Variants in STK32B observed in about 807,000 individuals in gnomAD.
The protein encoded by STK32B is serine/threonine kinase 32B, also known as serine/threonine-protein kinase 32B.
A neutral mutation model predicts 52.6 loss-of-function variants in STK32B; 43 were observed. That is an observed-to-expected ratio of 0.82 (90% CI 0.64 to 1.05). The LOEUF is 1.05. Among genes scored for constraint, STK32B ranks in the 50% least tolerant of loss-of-function variants. STK32B has a pLI of 0.00. For missense variants in STK32B, 621 were observed against 534.6 expected (o/e 1.16, Z -1.59); for synonymous variants, 238 against 204.3 (o/e 1.17, Z -1.41).
At chr4:5,320,156 G>C (rs1186511450) in intron 3 of STK32B, among the ~76,000 whole-genome samples, 2 of 152,036 alleles carry the variant, frequency 1.3e-5, no homozygotes, top group African/African-American at 4.8e-5. Context: ...TCCCCTATGT[G>C]TTTCTACACT....
At chr4:5,414,524 A>G (rs975290558) in intron 5 of STK32B, among the ~76,000 whole-genome samples, 1 of 152,226 alleles carries the variant, frequency 6.6e-6, no homozygotes, top group African/African-American at 2.4e-5. Context: ...TGTCATAGAT[A>G]GACCTATGTA....
intron 3 of STK32B, among the ~76,000 whole-genome samples, chr4:5,320,302 C>T (rs370609471): frequency 3.6e-4 from 55 of 152,264 alleles, no homozygotes; most frequent in African/African-American, 1.3e-3. Context: ...CATATTCACC[C>T]TGCAGAACGC....
At chr4:5,129,845 C>T (rs1223212072) in intron 1 of STK32B, among the ~76,000 whole-genome samples, 1 of 152,156 alleles carries the variant, frequency 6.6e-6, no homozygotes, top group Non-Finnish European at 1.5e-5. Context: ...CTTTGGATTT[C>T]TCCCATTCAA....
At chr4:5,170,977 T>G (rs1043735048) in intron 3 of STK32B, among the ~76,000 whole-genome samples, 2 of 152,240 alleles carry the variant, frequency 1.3e-5, no homozygotes, top group African/African-American at 4.8e-5. Flanking sequence ...TGTTGTTTCC[T>G]GACTTTTTAA....
At chr4:5,491,879 A>G (rs1015022965) in intron 11 of STK32B, among the ~76,000 whole-genome samples, 1 of 152,230 alleles carries the variant, frequency 6.6e-6, no homozygotes, top group African/African-American at 2.4e-5. Flanking sequence ...GTCAAAGATC[A>G]GATGGTTGTA....
chr4:5,439,274 G>C lies in STK32B; in HGVS notation c.563-7399G>C, dbSNP rs201692124. Among the ~76,000 whole-genome samples the C allele has an allele frequency of 2.7e-4, 41 of 151,402 alleles. No homozygotes were observed. In the East Asian group the frequency reaches 5.4e-3, roughly 20 times the overall value. The stretch of plus-strand genomic sequence containing the variant: ...TCCTCTCCAGCACCTGTTGTTTCCT[G>C]ACTTTTTAATGATTGCCATTCTAAC... On this transcript the variant is annotated intron_variant, in intron 6 of 11. Coordinates refer to ENST00000282908, the MANE Select transcript of STK32B (RefSeq NM_018401.3).
At chr4:5,367,254 A>G (rs10016796) in intron 4 of STK32B, among the ~76,000 whole-genome samples, 29,219 of 152,034 alleles carry the variant, frequency 0.19, 3,114 homozygotes, top group African/African-American at 0.3. Flanking sequence ...GAAATACCAC[A>G]GGGCAGCTCC....
intron 2 of STK32B, among the ~76,000 whole-genome samples, chr4:5,161,648 T>C (rs1004505312): frequency 6.6e-6 from 1 of 152,138 alleles, no homozygotes; most frequent in Non-Finnish European, 1.5e-5. Flanking sequence ...TAAGTGTGTA[T>C]AGAACGGATC....
At chr4:5,360,396 A>G (rs563846522) in intron 4 of STK32B, among the ~76,000 whole-genome samples, 2 of 152,286 alleles carry the variant, frequency 1.3e-5, no homozygotes, top group South Asian at 4.2e-4. Context: ...GACAGTGCCA[A>G]GTGCTTTGAG....
At chr4:5,302,017 A>G (rs1041587519) in intron 3 of STK32B, among the ~76,000 whole-genome samples, 3 of 151,038 alleles carry the variant, frequency 2.0e-5, no homozygotes, top group Non-Finnish European at 4.4e-5. Flanking sequence ...CATTACTTCT[A>G]TCCTTTGTGT....
At position 5,475,285 on chromosome 4, in the gene STK32B, T is replaced by C. The variant is rs979243840; in HGVS notation, c.1106+7215T>C. Reference sequence around the variant, plus strand: ...AAAATACAAAGAAACATTAGCTGGGTGTGGTGGCAGGCGCCTGTAATCCCA... The same window carrying C: ...AAAATACAAAGAAACATTAGCTGGGCGTGGTGGCAGGCGCCTGTAATCCCA... On this transcript the variant is annotated intron_variant, in intron 11 of 11. Transcript: ENST00000282908. Among the ~76,000 whole-genome samples the C allele has an allele frequency of 5.3e-5, 8 of 150,130 alleles. No individual in the cohort carries two copies. In the East Asian group the frequency reaches 1.4e-3, roughly 26 times the overall value.
At chr4:5,119,147 C>T (rs917302956) in intron 1 of STK32B, among the ~76,000 whole-genome samples, 1 of 152,184 alleles carries the variant, frequency 6.6e-6, no homozygotes, top group Non-Finnish European at 1.5e-5. Context: ...GCTGGGAACG[C>T]GGGCTGCAGG....
In STK32B at chr4:5,394,785, A is replaced by C. The variant is rs746162193; in HGVS notation, c.435-3422A>C. On this transcript the variant is annotated intron_variant, in intron 4 of 11. Transcript: ENST00000282908. This position sits in a 1 kb window ranked among gnomAD's most constrained non-coding sequence, Gnocchi z 4.2. Reference sequence around the variant, plus strand: ...TGCTGTTCCCATTTCCCAAATGAGGAAAACAAGGCTGAGAGTAAGTGGCCC... The same window carrying C: ...TGCTGTTCCCATTTCCCAAATGAGGCAAACAAGGCTGAGAGTAAGTGGCCC... Among the ~76,000 whole-genome samples, 1 of 152,268 alleles carries C rather than the reference A, an allele frequency of 6.6e-6. No homozygotes were observed. The highest frequency in any genetic ancestry group is 1.5e-5 in the Non-Finnish European group (1 of 68,046).
chr4:5,103,293 C>T (rs1046065051), intron 1 of STK32B, among the ~76,000 whole-genome samples: 5 of 152,040 alleles, frequency 3.3e-5, no homozygotes, highest in Admixed American at 6.5e-5. Flanking sequence ...TTGCCACATC[C>T]GAATCCTTCT....
At position 5,453,833 on chromosome 4, in the gene STK32B, A is replaced by C. The variant is rs1009906192; in HGVS notation, c.667-2974A>C. Among the ~76,000 whole-genome samples the C allele has an allele frequency of 1.3e-5, 2 of 152,004 alleles. No individual in the cohort carries two copies. Among genetic ancestry groups the C allele is most frequent in the African/African-American group, 4.8e-5 (2 of 41,360 alleles). ...GGCAGGAGAATCGCTTGAACCTGGC[A>C]GGTGGAGGTTGCAGTGAGCCGAGAT... On this transcript the variant is annotated intron_variant, in intron 7 of 11. Coordinates refer to ENST00000282908, the MANE Select transcript of STK32B (RefSeq NM_018401.3). This position sits in a 1 kb window ranked among gnomAD's most constrained non-coding sequence, Gnocchi z 4.0.
rs547083943 is a variant in STK32B at position 5,376,146 on chromosome 4, C to T, written c.435-22061C>T. On this transcript the variant is annotated intron_variant, in intron 4 of 11. Coordinates refer to ENST00000282908, the MANE Select transcript of STK32B (RefSeq NM_018401.3). ...CTGTGGGGGTGCTCTGCTTTGCTGG[C>T]ATCCCCTCTGAGAGCCCAAAAATCA... Among the ~76,000 whole-genome samples, 486 of 152,272 alleles carry T rather than the reference C, an allele frequency of 3.2e-3. 2 individuals are homozygous for T. The highest frequency in any genetic ancestry group is 0.011 in the African/African-American group (475 of 41,538).
chr4:5,123,812 G>A (rs756414735), intron 1 of STK32B, among the ~76,000 whole-genome samples: 10 of 150,002 alleles, frequency 6.7e-5, no homozygotes, highest in Admixed American at 1.3e-4. Context: ...ATGAGTTTTG[G>A]GGGGATACAA....
intron 6 of STK32B, among the ~76,000 whole-genome samples, chr4:5,420,820 C>A (rs1003503040): frequency 1.3e-5 from 2 of 152,182 alleles, no homozygotes; most frequent in African/African-American, 4.8e-5. Context: ...TGCTTTCATG[C>A]TGTTTCCGAA....
intron 3 of STK32B, among the ~76,000 whole-genome samples, chr4:5,311,912 A>T (rs560772244): frequency 6.9e-6 from 1 of 145,842 alleles, no homozygotes; most frequent in Non-Finnish European, 1.5e-5. Flanking sequence ...TTATATATAT[A>T]TATTTTTTTT....
Sources: gnomAD v4.1 joint callset for allele counts (sites outside exome capture counted in the v4.1 genomes callset) on GRCh38, gnomAD v4.1.1 for gene constraint, Gnocchi (gnomAD v3.1) non-coding constraint, MANE v1.5 for transcripts, NCBI Gene and HGNC (gene_info 2026-07-23, HGNC 2026-07-21) for gene names.